SHCBP1L: variants seen among roughly 807,000 people sequenced by gnomAD.
SHCBP1L encodes the protein SHC binding and spindle associated 1 like.
Under a neutral mutation model 62.5 loss-of-function variants are expected in SHCBP1L, and 67 were observed. The observed-to-expected ratio is 1.07, with a 90% CI of 0.88 to 1.31. The LOEUF (loss-of-function observed/expected upper bound fraction) is 1.31. Among genes scored for constraint, SHCBP1L ranks in the 40% most tolerant of loss-of-function variants. The probability of loss-of-function intolerance (pLI) is 0.00; values close to 1 mark genes in which losing one functional copy is unlikely to be tolerated. For missense variants in SHCBP1L, 823 were observed against 809.8 expected, an observed-to-expected ratio of 1.02 and a Z score of -0.20; for synonymous variants, 284 against 289.4, an observed-to-expected ratio of 0.98 and a Z score of 0.19.
chr1:182,909,948 C>T (rs1473539898), intron 6 of SHCBP1L, among the ~76,000 whole-genome samples: 2 of 152,156 alleles, frequency 1.3e-5, no homozygotes, highest in African/African-American at 2.4e-5. Flanking sequence ...GAAATAAATG[C>T]AGATAAATAT....
At chr1:182,946,371 C>G (rs1166325693) in intron 2 of SHCBP1L, among the ~76,000 whole-genome samples, 1 of 152,032 alleles carries the variant, frequency 6.6e-6, no homozygotes, top group Non-Finnish European at 1.5e-5. Flanking sequence ...TTGATCCACC[C>G]AGGCTCTTTC....
chr1:182,914,776 T>C (rs968805006), intron 6 of SHCBP1L, among the ~76,000 whole-genome samples: 4 of 152,168 alleles, frequency 2.6e-5, no homozygotes, highest in African/African-American at 9.6e-5. Context: ...AGTCCTTCCT[T>C]ATCAGTAAAC....
chr1:182,906,793 T>A (rs1571336369), intron 6 of SHCBP1L, among the ~76,000 whole-genome samples: 1 of 151,950 alleles, frequency 6.6e-6, no homozygotes, highest in African/African-American at 2.4e-5. Flanking sequence ...GATAAATTTG[T>A]TATTAGTGTC....
intron 6 of SHCBP1L, among the ~76,000 whole-genome samples, chr1:182,915,780 CAT>C (rs1650337545): frequency 1.3e-5 from 2 of 150,436 alleles, no homozygotes; most frequent in South Asian, 2.1e-4. Flanking sequence ...AAAATTTAGA[CAT>C]ATGTGAAAAT....
rs527370766 is a variant in SHCBP1L, at chr1:182,911,692, T to G, written c.1183-6043A>C. ...ATAAACAAAATAGAAATTCTGTAGT[T>G]GAAAAGTGTGATAGCTGAAGTGAAA... On this transcript the variant is annotated intron_variant, in intron 6 of 9. Transcript: ENST00000367547. Among the ~76,000 whole-genome samples the G allele has an allele frequency of 3.5e-3, 537 of 152,200 alleles. 1 individual carries two copies. Among genetic ancestry groups the G allele is most frequent in the African/African-American group, 0.013 (528 of 41,532 alleles).
chr1:182,904,562 T>TGTGTGTGTGTGTGTGCGC (rs1190878169), intron 7 of SHCBP1L, 132 bp from the exon 8 acceptor site: 1 of 896,350 alleles, frequency 1.1e-6, no homozygotes, highest in African/African-American at 1.7e-5. Flanking sequence ...TGTGTGTGTG[T>TGTGTGTGTGTGTGTGCGC]GTGTGTGTGT....
intron 6 of SHCBP1L, among the ~76,000 whole-genome samples, chr1:182,924,770 A>AAGAG (rs1453948287): frequency 1.8e-5 from 2 of 110,584 alleles, no homozygotes; most frequent in Non-Finnish European, 3.4e-5. Context: ...GAAAGAAAGA[A>AAGAG]AGAAAGAAAG....
chr1:182,936,143 T>G (rs1189394105), intron 5 of SHCBP1L, among the ~76,000 whole-genome samples: 11 of 142,616 alleles, frequency 7.7e-5, no homozygotes, highest in East Asian at 2.0e-4. Context: ...TTTTTTTTTT[T>G]TTTTTTTTTT....
intron 5 of SHCBP1L, among the ~76,000 whole-genome samples, chr1:182,936,130 G>GTTTTTTTTTTTT: frequency 1.6e-5 from 1 of 63,994 alleles, no homozygotes; most frequent in Non-Finnish European, 3.2e-5. Context: ...TTTGTTTTTT[G>GTTTTTTTTTTTT]TTTTTTTTTT....
intron 6 of SHCBP1L, among the ~76,000 whole-genome samples, chr1:182,920,942 G>A (rs1334375126): frequency 4.6e-5 from 7 of 152,138 alleles, no homozygotes; most frequent in Non-Finnish European, 8.8e-5. Context: ...GAGAAAGCAA[G>A]CAAGCATATT....
intron 6 of SHCBP1L, among the ~76,000 whole-genome samples, chr1:182,927,730 A>G (rs2101940322): frequency 6.6e-6 from 1 of 151,966 alleles, no homozygotes; most frequent in South Asian, 2.1e-4. Flanking sequence ...GCTATATTTC[A>G]TGAACCTCAA....
intron 8 of SHCBP1L, among the ~76,000 whole-genome samples, chr1:182,903,612 A>G (rs544627865): frequency 1.8e-4 from 27 of 152,200 alleles, no homozygotes; most frequent in African/African-American, 4.6e-4. Context: ...CCAGTCCTTC[A>G]ATGATCTTTG....
At chr1:182,925,432 G>A (rs1288455674) in intron 6 of SHCBP1L, among the ~76,000 whole-genome samples, 1 of 152,038 alleles carries the variant, frequency 6.6e-6, no homozygotes, top group Non-Finnish European at 1.5e-5. Context: ...ATGGAAAGAT[G>A]TTCAGCATCT....
intron 6 of SHCBP1L, among the ~76,000 whole-genome samples, chr1:182,907,572 TTATTA>T (rs1650055002): frequency 6.6e-6 from 1 of 150,926 alleles, no homozygotes; most frequent in Non-Finnish European, 1.5e-5. Flanking sequence ...CTTATTATTA[TTATTA>T]TTATTGTTAT....
rs1363075370 is a variant in SHCBP1L, at chr1:182,951,532, T to G, written c.406-65A>C. ...AATTATAGATTTTAAACTAAGTGGT[T>G]TTTTTTTTTTTTACTGATTTCTATT... On this transcript the variant is annotated intron_variant, in intron 1 of 9. Transcript: ENST00000367547. The G allele has an allele frequency of 9.2e-6, 9 of 976,184 alleles. No individual in the cohort carries two copies. In the East Asian group the frequency reaches 2.9e-4, roughly 31 times the overall value. The allele number at this position is 976,184 out of a possible 1,614,324, so 60.5% of individuals were successfully genotyped here.
intron 6 of SHCBP1L, among the ~76,000 whole-genome samples, chr1:182,925,540 G>A (rs914278650): frequency 2.0e-5 from 3 of 152,026 alleles, no homozygotes; most frequent in African/African-American, 7.2e-5. Flanking sequence ...ATAAAAGAAA[G>A]AGAAAAAATA....
Position 182,900,159 on chromosome 1 carries a change from G to A in SHCBP1L, c.1786C>T (p.Gln596Ter). ...ACGATAAAAAACTGTTCCATTGGTTGAAGAATGCTTACTCCATAGCCTTTG... is the reference window on the plus strand; with the variant it reads ...ACGATAAAAAACTGTTCCATTGGTTAAAGAATGCTTACTCCATAGCCTTTG... Reference protein sequence around the residue: ...SNKGYGVSILQPMEQFFIVAE... With the variant: ...SNKGYGVSIL The change falls in exon 10 of 10, where the codon CAA becomes TAA. Residue 596 changes from glutamine (Q) to a stop codon, truncating the protein, a stop_gained. Coordinates refer to ENST00000367547, the MANE Select transcript of SHCBP1L (RefSeq NM_030933.4). LOFTEE classifies it high-confidence loss of function. The A allele has an allele frequency of 6.2e-7, 1 of 1,612,294 alleles. No homozygotes were observed. The highest frequency in any genetic ancestry group is 1.7e-5 in the Admixed American group (1 of 59,912).
At position 182,952,796 on chromosome 1, in the gene SHCBP1L, C is replaced by G; in HGVS notation, c.338G>C (p.Arg113Pro). 1 of 1,612,666 alleles carries G rather than the reference C, an allele frequency of 6.2e-7. No individual in the cohort carries two copies. Among genetic ancestry groups the G allele is most frequent in the Non-Finnish European group, 8.5e-7 (1 of 1,179,492 alleles). Reference sequence around the variant, plus strand: ...CTCGTCCCGCCACATCCCCCTCATACGGGACACGCAGACTGGGGGCAGGGG... The same window carrying G: ...CTCGTCCCGCCACATCCCCCTCATAGGGGACACGCAGACTGGGGGCAGGGG... Reference protein sequence around the residue: ...AQPLPPVCVSRMRGMWRDEKV... With the variant: ...AQPLPPVCVSPMRGMWRDEKV... The change falls in exon 1 of 10, where the codon CGT (arginine) becomes CCT (proline). Residue 113 changes from arginine to proline, a missense_variant. Arg to Pro is a moderately radical substitution (Grantham distance 103, BLOSUM62 -2). Coordinates refer to ENST00000367547, the MANE Select transcript of SHCBP1L (RefSeq NM_030933.4).
chr1:182,952,696 C>T (rs1240015039), intron 1 of SHCBP1L, 33 bp downstream of exon 1: 4 of 1,561,086 alleles, frequency 2.6e-6, no homozygotes, highest in Admixed American at 3.6e-5. Context: ...GACGAGCTTC[C>T]GACCGTAGTC....
Sources: allele counts gnomAD v4.1 joint callset (sites outside exome capture counted in the v4.1 genomes callset), GRCh38; gene constraint gnomAD v4.1.1; transcripts MANE v1.5; gene names NCBI Gene and HGNC (gene_info 2026-07-23, HGNC 2026-07-21).